SIDT2: variants seen among roughly 807,000 people sequenced by gnomAD.
SIDT2 encodes SID1 transmembrane family member 2.
A neutral mutation model predicts 114.4 loss-of-function variants in SIDT2; 68 were observed. The ratio of observed to expected loss-of-function variants is 0.59; its 90% CI spans 0.49 to 0.73. The LOEUF (loss-of-function observed/expected upper bound fraction) is 0.73. SIDT2 is among the 30% of genes least tolerant of loss of function. The pLI is 0.00. For synonymous variants in SIDT2, 470 were observed against 438.4 expected (o/e 1.07, Z -0.90); for missense variants, 918 against 1,097.1 (o/e 0.84, Z 2.31).
intron 8 of SIDT2, among the ~76,000 whole-genome samples, chr11:117,185,434 C>A (rs2030458907): frequency 6.6e-6 from 1 of 152,092 alleles, no homozygotes; most frequent in Non-Finnish European, 1.5e-5. Context: ...AGGCAGCAGT[C>A]CTTGGTGGGG....
At position 117,195,975 on chromosome 11, in the gene SIDT2, C is replaced by G. The variant is rs762008844; in HGVS notation, c.2437-29C>G. 3.7e-6 allele frequency: 6 copies of G among 1,614,128 alleles called. No homozygotes were observed. In the African/African-American group the frequency reaches 6.7e-5, roughly 18 times the overall value. Reference sequence around the variant, plus strand: ...GTGAAGGTAGCAGCTGCCTCCTTCTCTGTGGCTGATCTGGCGTCCACACCC... The same window carrying G: ...GTGAAGGTAGCAGCTGCCTCCTTCTGTGTGGCTGATCTGGCGTCCACACCC... On this transcript the variant is annotated intron_variant, in intron 25 of 25. Coordinates refer to ENST00000324225, the MANE Select transcript of SIDT2 (RefSeq NM_001040455.2).
chr11:117,190,473 T>C lies in SIDT2; in HGVS notation c.1618-150T>C. 2 of 542,832 alleles carry C rather than the reference T, an allele frequency of 3.7e-6. No homozygotes were observed. The highest frequency in any genetic ancestry group is 1.1e-4 in the East Asian group (1 of 9,166). The allele number at this position is 542,832 out of a possible 1,614,324, so 33.6% of individuals were successfully genotyped here. On this transcript the variant is annotated intron_variant, in intron 17 of 25. Transcript: ENST00000324225. This position sits in a 1 kb window ranked among gnomAD's most constrained non-coding sequence, Gnocchi z 4.1. ...CCTGCCCTGCCCTCCCTTGCCAGCC[T>C]GCCCAGGCCAGCCCACCCCTGCACA...
rs1219055389 is a variant in SIDT2 at position 117,187,409 on chromosome 11, T to C, written c.1047T>C (p.Pro349=). ...CTCGAGTCCTGGCTGATTCTTTTCC[T>C]GGCAGTTCCCCTTATGAGGGTTACA... The part of the protein sequence containing the change: ...GHPRVLADSF[P]GSSPYEGYNY... The change falls in exon 11 of 26, where the codon CCT becomes CCC. Residue 349 remains proline, a synonymous_variant. Coordinates refer to ENST00000324225, the MANE Select transcript of SIDT2 (RefSeq NM_001040455.2). The C allele has an allele frequency of 6.2e-7, 1 of 1,614,112 alleles. No homozygotes were observed.
At chr11:117,182,837 G>C in intron 6 of SIDT2, 31 bp downstream of exon 6, 3 of 1,602,072 alleles carry the variant, frequency 1.9e-6, no homozygotes, top group Non-Finnish European at 2.6e-6. Context: ...CGTGGGAGGT[G>C]TGGCTGGGCG....
Position 117,192,685 on chromosome 11 carries a change from T to C in SIDT2, c.2058+35T>C. 3 of 1,612,678 alleles carry C rather than the reference T, an allele frequency of 1.9e-6. No individual in the cohort carries two copies. The highest frequency in any genetic ancestry group is 2.5e-6 in the Non-Finnish European group (3 of 1,179,682). ...TGGTTCCCCTGCTCCATTCTCCACA[T>C]CTCCTTTCTTCCCTCTGATGGGGGA... is the stretch of plus-strand genomic sequence containing the variant. On this transcript the variant is annotated intron_variant, in intron 21 of 25. Coordinates refer to ENST00000324225, the MANE Select transcript of SIDT2 (RefSeq NM_001040455.2). This position sits in a 1 kb window ranked among gnomAD's most constrained non-coding sequence, Gnocchi z 5.9.
rs148227481 is a variant in SIDT2, at chr11:117,186,152, G to T, written c.891G>T (p.Met297Ile). The T allele has an allele frequency of 6.8e-4, 1,092 of 1,614,082 alleles. 8 individuals carry two copies. The African/African-American group carries it at 0.013, about 19-fold the overall frequency. ...AAGCTGAGGCATACGTCAGTGGGAT[G>T]CTCTTTTGCCTGGGTATATTTCTCT... Reference protein sequence around the residue: ...AVTSEAYVSGMLFCLGIFLSF... With the variant: ...AVTSEAYVSGILFCLGIFLSF... The change falls in exon 9 of 26, where the codon ATG becomes ATT. Residue 297 changes from methionine (M) to isoleucine (I), a missense_variant. Transcript: ENST00000324225.
At position 117,179,454 on chromosome 11, in the gene SIDT2, C is replaced by CT. The variant is rs757834747; in HGVS notation, c.183+9dup. Reference sequence around the variant, plus strand: ...ACTGTGACCCGCAACAGGGTGAGGGCTGGGGGCTTAGGGGCCAGAGGCGAG... The same window carrying CT: ...ACTGTGACCCGCAACAGGGTGAGGGCTTGGGGGCTTAGGGGCCAGAGGCGAG... On this transcript the variant is annotated intron_variant, in intron 1 of 25. Transcript: ENST00000324225. 6.2e-7 allele frequency: 1 copy of CT among 1,610,248 alleles called. No individual in the cohort carries two copies. Among genetic ancestry groups the CT allele is most frequent in the South Asian group, 1.1e-5 (1 of 90,884 alleles).
At chr11:117,193,314 G>T in intron 23 of SIDT2, 56 bp downstream of exon 23, 4 of 1,439,566 alleles carry the variant, frequency 2.8e-6, no homozygotes, top group Non-Finnish European at 3.9e-6. Context: ...TGGGGAGAGA[G>T]ATGGGCCCGG....
chr11:117,182,843 G>T, intron 6 of SIDT2, 37 bp downstream of exon 6: 1 of 1,596,198 alleles, frequency 6.3e-7, no homozygotes, highest in Non-Finnish European at 8.5e-7. Flanking sequence ...AGGTGTGGCT[G>T]GGCGATAAGC....
chr11:117,182,124 T>C lies in SIDT2; in HGVS notation c.516+19T>C, dbSNP rs766653724. 8.7e-6 allele frequency: 14 copies of C among 1,613,240 alleles called. No homozygotes were observed. Among genetic ancestry groups the C allele is most frequent in the African/African-American group, 1.3e-5 (1 of 74,878 alleles). Reference sequence around the variant, plus strand: ...GCCCCAGGTAACATCTCCCTGTTGATTGCTCGAGAGGAGAAATGGGGGAGC... The same window carrying C: ...GCCCCAGGTAACATCTCCCTGTTGACTGCTCGAGAGGAGAAATGGGGGAGC... On this transcript the variant is annotated intron_variant, in intron 4 of 25. Coordinates refer to ENST00000324225, the MANE Select transcript of SIDT2 (RefSeq NM_001040455.2).
In SIDT2 at chr11:117,179,700, G is replaced by A. The variant is rs889444621; in HGVS notation, c.183+254G>A. The A allele has an allele frequency of 2.1e-5, 10 of 482,400 alleles. 1 individual carries two copies. The highest frequency in any genetic ancestry group is 1.1e-4 in the Admixed American group (3 of 26,386). 29.9% of individuals were successfully genotyped at this position (482,400 alleles called of 1,614,324 possible). A position where few individuals can be genotyped will look rare whatever the true frequency, so the allele number is the denominator to read the frequency against. On this transcript the variant is annotated intron_variant, in intron 1 of 25. Coordinates refer to ENST00000324225, the MANE Select transcript of SIDT2 (RefSeq NM_001040455.2). ...CTCTTCCGCCCCCATTCTTCCATCAGTTGTGGTCTGAGCACACATGGCTTG... is the reference window on the plus strand; with the variant it reads ...CTCTTCCGCCCCCATTCTTCCATCAATTGTGGTCTGAGCACACATGGCTTG...
At chr11:117,179,579 A>G (rs2030181546) in intron 1 of SIDT2, 133 bp downstream of exon 1, 4 of 851,636 alleles carry the variant, frequency 4.7e-6, no homozygotes, top group Non-Finnish European at 7.1e-6. Flanking sequence ...TCCCAGAACC[A>G]CACTGGAGCC....
chr11:117,187,621 C>T lies in SIDT2; in HGVS notation c.1088-7C>T. 2 of 1,614,122 alleles carry T rather than the reference C, an allele frequency of 1.2e-6. No individual in the cohort carries two copies. Among genetic ancestry groups the T allele is most frequent in the Non-Finnish European group, 1.7e-6 (2 of 1,179,994 alleles). On this transcript the variant is annotated splice_region_variant and splice_polypyrimidine_tract_variant and intron_variant, in intron 11 of 25. Transcript: ENST00000324225. ...CTTCCTGCCTCACCACTGATCGTTC[C>T]CCACAGAGAATGTTTCTGGATCTAC...
rs1314325706 is a variant in SIDT2 at position 117,194,230 on chromosome 11, G to T, written c.2322+267G>T. 2.4e-5 allele frequency: 8 copies of T among 338,808 alleles called. No individual in the cohort carries two copies. The South Asian group carries it at 2.6e-4, about 11-fold the overall frequency. 21.0% of individuals were successfully genotyped at this position (338,808 alleles called of 1,614,324 possible). ...CCTCGGAAGCGGAGGCAAGAAGATA[G>T]CCTGTGCAGGAGTTCCAGGCTGCAG... On this transcript the variant is annotated intron_variant, in intron 24 of 25. Coordinates refer to ENST00000324225, the MANE Select transcript of SIDT2 (RefSeq NM_001040455.2).
In SIDT2 at chr11:117,193,930, C is replaced by A. The variant is rs1271927353; in HGVS notation, c.2289C>A (p.Leu763=). ...CCTCCGTGGTCTGGGGCTTCGCGCT[C>A]TTCTTCTTCTTCCAGGGACTCAGCA... ...VCTSVVWGFA[L]FFFFQGLSTW... The change falls in exon 24 of 26, where the codon CTC becomes CTA. Residue 763 remains leucine (L), a synonymous_variant. Transcript: ENST00000324225. 3 of 1,610,562 alleles carry A rather than the reference C, an allele frequency of 1.9e-6. No individual in the cohort carries two copies. The Admixed American group carries it at 5.0e-5, about 27-fold the overall frequency.
chr11:117,185,690 C>G (rs2030465055), intron 8 of SIDT2, among the ~76,000 whole-genome samples: 1 of 151,880 alleles, frequency 6.6e-6, no homozygotes, highest in Admixed American at 6.6e-5. Context: ...CCAGCCTGAG[C>G]AACATAGCGA....
Position 117,179,193 on chromosome 11 carries a change from C to T in SIDT2, c.-71C>T. On this transcript the variant is annotated 5_prime_UTR_variant, in exon 1 of 26. Coordinates refer to ENST00000324225, the MANE Select transcript of SIDT2 (RefSeq NM_001040455.2). ...AGCTGCGGCCGCAGCCGCAACCCGT[C>T]CCGGAGGTGTCCTGTCTCCTGTCGC... 3 of 1,482,308 alleles carry T rather than the reference C, an allele frequency of 2.0e-6. No individual in the cohort carries two copies. Among genetic ancestry groups the T allele is most frequent in the Non-Finnish European group, 2.7e-6 (3 of 1,091,972 alleles). The allele number at this position is 1,482,308 out of a possible 1,614,324, so 91.8% of individuals were successfully genotyped here.
In SIDT2 at chr11:117,189,214, C is replaced by G; in HGVS notation, c.1324C>G (p.Leu442Val). The change falls in exon 14 of 26, where the codon CTG becomes GTG. Residue 442 changes from leucine to valine, a missense_variant. This residue lies in a region of SIDT2 where 553 missense variants were observed against 600.1 expected (regional missense o/e 0.92). Transcript: ENST00000324225. ...CCTGGCACGGAAGGACAAGCGTGTT[C>G]TGCGGAAAAAGTACCAGATCTACTT... Reference protein sequence around the residue: ...ADLARKDKRVLRKKYQIYFWN... With the variant: ...ADLARKDKRVVRKKYQIYFWN... 1 of 1,614,244 alleles carries G rather than the reference C, an allele frequency of 6.2e-7. No homozygotes were observed. The highest frequency in any genetic ancestry group is 8.5e-7 in the Non-Finnish European group (1 of 1,180,040).
At chr11:117,184,440 T>C (rs1400247414) in intron 8 of SIDT2, among the ~76,000 whole-genome samples, 1 of 152,252 alleles carries the variant, frequency 6.6e-6, no homozygotes, top group Non-Finnish European at 1.5e-5. Flanking sequence ...TTTGTTAGCA[T>C]AGTTATAATC....
Sources: allele counts gnomAD v4.1 joint callset (sites outside exome capture counted in the v4.1 genomes callset), GRCh38; gene constraint gnomAD v4.1.1; regional missense constraint gnomAD v4.1.1; non-coding constraint Gnocchi (gnomAD v3.1); transcripts MANE v1.5; gene names NCBI Gene and HGNC (gene_info 2026-07-23, HGNC 2026-07-21).